Variants in CTNNA2 observed in about 807,000 individuals in gnomAD.
CTNNA2 encodes the protein catenin alpha 2, also known as catenin alpha-2.
In CTNNA2, 42 loss-of-function variants were observed where a neutral mutation model predicts 101.0. The observed-to-expected ratio is 0.42, with a 90% CI of 0.32 to 0.54. The LOEUF (loss-of-function observed/expected upper bound fraction) is 0.54. Ranked by LOEUF, CTNNA2 falls within the 20% of genes least tolerant of loss-of-function variation. The pLI is 0.14. For missense variants in CTNNA2, 871 were observed against 1,223.1 expected (o/e 0.71, Z 4.29); for synonymous variants, 450 against 456.4 (o/e 0.99, Z 0.18).
chr2:80,124,820 C>T (rs1204322289), intron 7 of CTNNA2, among the ~76,000 whole-genome samples: 1 of 152,150 alleles, frequency 6.6e-6, no homozygotes, highest in Non-Finnish European at 1.5e-5. Context: ...AGACCCCTGT[C>T]AAGCTTTGGA....
chr2:80,324,214 A>T (rs1295179274), intron 7 of CTNNA2, among the ~76,000 whole-genome samples: 1 of 152,116 alleles, frequency 6.6e-6, no homozygotes, highest in Non-Finnish European at 1.5e-5. Context: ...GACTGTCAGA[A>T]CCTCTCCAAA....
intron 7 of CTNNA2, among the ~76,000 whole-genome samples, chr2:80,061,484 G>T (rs1410929874): frequency 1.3e-5 from 2 of 152,190 alleles, no homozygotes; most frequent in African/African-American, 4.8e-5. Flanking sequence ...AAAAGTAAAA[G>T]GGCATAATAT....
Position 80,392,318 on chromosome 2 carries a change from T to C in CTNNA2, c.1057-893T>C, listed in dbSNP as rs1439219029. Among the ~76,000 whole-genome samples the C allele has an allele frequency of 3.3e-5, 5 of 152,220 alleles. No individual in the cohort carries two copies. The East Asian group carries it at 5.8e-4, about 18-fold the overall frequency. The stretch of plus-strand genomic sequence containing the variant: ...ACCATAAATAAATCAATCTGTAGCG[T>C]TTGACTAAAATTTAGATAATTTAAT... On this transcript the variant is annotated intron_variant, in intron 7 of 18. Transcript: ENST00000402739.
intron 1 of CTNNA2, among the ~76,000 whole-genome samples, chr2:79,629,458 A>C (rs1182779430): frequency 6.6e-6 from 1 of 152,188 alleles, no homozygotes; most frequent in Non-Finnish European, 1.5e-5. Context: ...AATTCTGAGC[A>C]GTTAAACCTT....
intron 3 of CTNNA2, among the ~76,000 whole-genome samples, chr2:79,371,822 C>T (rs1297043534): frequency 6.6e-6 from 1 of 152,150 alleles, no homozygotes; most frequent in African/African-American, 2.4e-5. Flanking sequence ...CAATGAAACC[C>T]GGAAATCTGC....
At chr2:79,561,803 G>A (rs1431897152) in intron 1 of CTNNA2, among the ~76,000 whole-genome samples, 1 of 151,608 alleles carries the variant, frequency 6.6e-6, no homozygotes, top group East Asian at 1.9e-4. Context: ...TGGGCTATTT[G>A]CATTTGTCTT....
chr2:79,194,151 T>C (rs1673927467), intron 1 of CTNNA2, among the ~76,000 whole-genome samples: 1 of 152,232 alleles, frequency 6.6e-6, no homozygotes, highest in Admixed American at 6.5e-5. Flanking sequence ...AAAGATAGCC[T>C]GTCATCTCTA....
chr2:79,550,318 G>A (rs1007684592), intron 1 of CTNNA2, among the ~76,000 whole-genome samples: 3 of 152,146 alleles, frequency 2.0e-5, no homozygotes, highest in African/African-American at 7.2e-5. Flanking sequence ...GTCACTGGAT[G>A]CTGTGTTTCC....
chr2:79,385,960 T>C (rs562803544), intron 4 of CTNNA2, among the ~76,000 whole-genome samples: 1 of 152,330 alleles, frequency 6.6e-6, no homozygotes, highest in East Asian at 1.9e-4. Flanking sequence ...TAGTTCCAAG[T>C]CTTTGCTATT....
At chr2:80,525,177 G>A (rs1017508655) in intron 9 of CTNNA2, among the ~76,000 whole-genome samples, 1 of 151,814 alleles carries the variant, frequency 6.6e-6, no homozygotes, top group Non-Finnish European at 1.5e-5. Flanking sequence ...TGTTTGTGCT[G>A]GGGCAGGATT....
intron 18 of CTNNA2, among the ~76,000 whole-genome samples, chr2:80,632,712 G>A (rs1672431871): frequency 6.6e-6 from 1 of 152,078 alleles, no homozygotes; most frequent in Non-Finnish European, 1.5e-5. Flanking sequence ...GTGGAGCCAA[G>A]ACCCTGGGAC....
At chr2:80,092,851 C>G (rs1699871096) in intron 7 of CTNNA2, among the ~76,000 whole-genome samples, 1 of 152,010 alleles carries the variant, frequency 6.6e-6, no homozygotes, top group African/African-American at 2.4e-5. Flanking sequence ...ATTTGAAAAA[C>G]AAGCATTAAG....
At chr2:79,466,011 C>G (rs1028645708) in intron 4 of CTNNA2, among the ~76,000 whole-genome samples, 1 of 152,198 alleles carries the variant, frequency 6.6e-6, no homozygotes, top group Non-Finnish European at 1.5e-5. Context: ...CTGGGTTCAT[C>G]TCACTGGGGC....
rs560429095 is a variant in CTNNA2 at position 79,603,146 on chromosome 2, GA to G, written c.-5-48398del. Among the ~76,000 whole-genome samples the G allele has an allele frequency of 4.5e-3, 690 of 151,654 alleles. 5 individuals carry two copies. The highest frequency in any genetic ancestry group is 4.8e-3 in the Non-Finnish European group (324 of 67,862). Reference sequence around the variant, plus strand: ...ATAAATGAGTGCATCACATGCATGGGAAAAAAAAGATAGAAAAGTTACTGAG... The same window carrying G: ...ATAAATGAGTGCATCACATGCATGGGAAAAAAAGATAGAAAAGTTACTGAG... On this transcript the variant is annotated intron_variant, in intron 1 of 18. Transcript: ENST00000402739.
At chr2:80,314,275 T>C (rs1677885647) in intron 7 of CTNNA2, among the ~76,000 whole-genome samples, 1 of 152,196 alleles carries the variant, frequency 6.6e-6, no homozygotes, top group Non-Finnish European at 1.5e-5. Flanking sequence ...GTGCAGATTT[T>C]GATTAAAAGC....
intron 4 of CTNNA2, among the ~76,000 whole-genome samples, chr2:79,487,843 T>C (rs538939183): frequency 6.6e-6 from 1 of 152,304 alleles, no homozygotes; most frequent in East Asian, 1.9e-4. Flanking sequence ...ATTCATTTAT[T>C]ACATATCAAT....
chr2:79,365,962 C>G (rs909039300), intron 3 of CTNNA2, among the ~76,000 whole-genome samples: 1 of 152,174 alleles, frequency 6.6e-6, no homozygotes, highest in Non-Finnish European at 1.5e-5. Context: ...CAAGGTTACC[C>G]GGTGAGGGTT....
chr2:80,383,496 C>G (rs1676702675), intron 7 of CTNNA2, among the ~76,000 whole-genome samples: 1 of 152,156 alleles, frequency 6.6e-6, no homozygotes, highest in Non-Finnish European at 1.5e-5. Flanking sequence ...TTAGGTAACA[C>G]TAGGTAGCAT....
intron 4 of CTNNA2, among the ~76,000 whole-genome samples, chr2:79,468,047 A>G (rs993374894): frequency 4.5e-4 from 68 of 152,204 alleles, no homozygotes; most frequent in African/African-American, 1.5e-3. Context: ...TTAAATGTAA[A>G]TGGGCTAAAT....
Sources: allele counts gnomAD v4.1 joint callset (sites outside exome capture counted in the v4.1 genomes callset), GRCh38; gene constraint gnomAD v4.1.1; transcripts MANE v1.5; gene names NCBI Gene and HGNC (gene_info 2026-07-23, HGNC 2026-07-21).